Variants in VEGFD observed in about 807,000 individuals in gnomAD.
VEGFD encodes c-fos induced growth factor (vascular endothelial growth factor D).
Under a neutral mutation model 28.0 loss-of-function variants are expected in VEGFD, and 26 were observed. The observed-to-expected ratio is 0.93, with a 90% CI of 0.68 to 1.29. VEGFD has a LOEUF of 1.29. Among genes scored for constraint, VEGFD ranks in the 50% most tolerant of loss-of-function variants. The pLI is 0.00. For missense variants in VEGFD, 294 were observed against 273.4 expected (o/e 1.08, Z -0.53); for synonymous variants, 93 against 95.5 (o/e 0.97, Z 0.15).
rs1460170594 is a variant in VEGFD at position 15,363,139 on chromosome X, C to T, written c.271G>A (p.Ala91Thr). Residue 91 changes from alanine to threonine, a missense_variant, in exon 2 of 7, where the codon GCA becomes ACA. By Grantham distance (58) the Ala-to-Thr change is moderately conservative. Transcript: ENST00000297904. ...SASHRSTRFA[A>T]TFYDIETLKV... ...AGTGTTTCAATGTCATAGAAAGTTGCCGCAAACCTAGTGGACCGATGGGAT... is the reference window on the plus strand; with the variant it reads ...AGTGTTTCAATGTCATAGAAAGTTGTCGCAAACCTAGTGGACCGATGGGAT... The T allele has an allele frequency of 8.3e-7, 1 of 1,211,216 alleles. No homozygotes were observed. The highest frequency in any genetic ancestry group is 3.0e-5 in the East Asian group (1 of 33,829).
chrX:15,360,540 T>C (rs978214325), intron 2 of VEGFD, among the ~76,000 whole-genome samples: 1 of 110,710 alleles, frequency 9.0e-6, no homozygotes, highest in Non-Finnish European at 1.9e-5. Context: ...AGTTTCACCA[T>C]GTTGGCCAGG....
At chrX:15,367,990 G>GA (rs754173109) in intron 1 of VEGFD, among the ~76,000 whole-genome samples, 1 of 63,637 alleles carries the variant, frequency 1.6e-5, no homozygotes, top group African/African-American at 5.9e-5. Flanking sequence ...AAAAGAAAAA[G>GA]AAAGAAAGAA....
chrX:15,349,345 CTG>C (rs1922630450), intron 5 of VEGFD, among the ~76,000 whole-genome samples: 1 of 112,382 alleles, frequency 8.9e-6, no homozygotes, highest in African/African-American at 3.2e-5. Flanking sequence ...TTGGCAGAGT[CTG>C]TGCTCACATC....
rs1922532849 is a variant in VEGFD, at chrX:15,345,908, C to A, written c.*225G>T. On this transcript the variant is annotated 3_prime_UTR_variant, in exon 7 of 7. Transcript: ENST00000297904. ...ACTAAACAAAAGGATTACATGGGTC[C>A]CCTCCTCTCCATTCCTTGGTGCGCA... 2.6e-6 allele frequency: 1 copy of A among 389,292 alleles called. No homozygotes were observed. 32.1% of individuals were successfully genotyped at this position (389,292 alleles called of 1,213,427 possible). A position where few individuals can be genotyped will look rare whatever the true frequency, so the allele number is the denominator to read the frequency against.
At chrX:15,382,164 C>CA (rs1047173385) in intron 1 of VEGFD, among the ~76,000 whole-genome samples, 13 of 110,197 alleles carry the variant, frequency 1.2e-4, no homozygotes, top group African/African-American at 3.6e-4. Context: ...ACTAAAAATA[C>CA]AAAAAATTAG....
At chrX:15,359,525 C>T (rs1263732372) in intron 2 of VEGFD, among the ~76,000 whole-genome samples, 1 of 109,053 alleles carries the variant, frequency 9.2e-6, no homozygotes. Flanking sequence ...GGTATTTGTC[C>T]TAATGCTCTC....
chrX:15,352,601 A>G lies in VEGFD; in HGVS notation c.742+467T>C, dbSNP rs185710155. Among the ~76,000 whole-genome samples the G allele has an allele frequency of 3.6e-5, 4 of 112,184 alleles. No individual in the cohort carries two copies. The East Asian group carries it at 1.1e-3, about 31-fold the overall frequency. On this transcript the variant is annotated intron_variant, in intron 5 of 6. Transcript: ENST00000297904. ...GCAGCTGACAGAAACCAAGTCCAAA[A>G]TTACTTTATGTTCCTGTGAGACTTT... is the stretch of plus-strand genomic sequence containing the variant.
intron 1 of VEGFD, among the ~76,000 whole-genome samples, chrX:15,369,218 G>A (rs769383037): frequency 9.0e-6 from 1 of 111,116 alleles, no homozygotes; most frequent in African/African-American, 3.3e-5. Flanking sequence ...GGAAGTCAAC[G>A]GCCTTCTGTA....
chrX:15,353,045 T>C (rs765737185), intron 5 of VEGFD, 23 bp downstream of exon 5: 2 of 975,354 alleles, frequency 2.1e-6, no homozygotes, highest in East Asian at 6.6e-5. Flanking sequence ...TTACTGTTAT[T>C]ATTTTACTAC....
At chrX:15,382,983 G>A (rs1033112683) in intron 1 of VEGFD, among the ~76,000 whole-genome samples, 3 of 111,240 alleles carry the variant, frequency 2.7e-5, no homozygotes, top group Non-Finnish European at 3.8e-5. Flanking sequence ...ATCCCTCCAC[G>A]AACCAATTTT....
In VEGFD at chrX:15,358,067, C is replaced by A; in HGVS notation, c.428G>T (p.Gly143Val). 1 of 1,211,734 alleles carries A rather than the reference C, an allele frequency of 8.3e-7. No homozygotes were observed. The highest frequency in any genetic ancestry group is 1.1e-6 in the Non-Finnish European group (1 of 895,428). Residue 143 changes from glycine to valine, a missense_variant, in exon 3 of 7, where the codon GGT becomes GTT. By Grantham distance (109) the Gly-to-Val change is moderately radical (BLOSUM62 -3). Transcript: ENST00000297904. ...AAGGCTCTCTTCATTGCAACAGCCACCACATCGGAACACGTTCACACAAGG... is the reference window on the plus strand; with the variant it reads ...AAGGCTCTCTTCATTGCAACAGCCAACACATCGGAACACGTTCACACAAGG... Reference protein sequence around the residue: ...KPPCVNVFRCGGCCNEESLIC... With the variant: ...KPPCVNVFRCVGCCNEESLIC...
chrX:15,354,838 C>A (rs1602223084), intron 4 of VEGFD, among the ~76,000 whole-genome samples: 1 of 111,433 alleles, frequency 9.0e-6, no homozygotes, highest in East Asian at 2.8e-4. Flanking sequence ...TGTTCTGGAA[C>A]ATGTGCTAAA....
chrX:15,367,986 A>AAGAAAG lies in VEGFD; in HGVS notation c.91-4668_91-4667insCTTTCT, dbSNP rs1236594721. 5.9e-3 allele frequency among the ~76,000 whole-genome samples: 392 copies of AAGAAAG among 66,630 alleles called. 5 individuals are homozygous for AAGAAAG. Among genetic ancestry groups the AAGAAAG allele is most frequent in the African/African-American group, 0.026 (359 of 13,892 alleles). The allele number at this position is 66,630 out of a possible 115,157, so 57.9% of individuals were successfully genotyped here. ...AGAAAGAAAGAAAGAAAGAAAAAGA[A>AAGAAAG]AAAGAAAGAAAGAAAGAAAGAAAGA... On this transcript the variant is annotated intron_variant, in intron 1 of 6. Coordinates refer to ENST00000297904, the MANE Select transcript of VEGFD (RefSeq NM_004469.5).
At chrX:15,379,693 T>C (rs778999037) in intron 1 of VEGFD, among the ~76,000 whole-genome samples, 2 of 112,348 alleles carry the variant, frequency 1.8e-5, no homozygotes, top group South Asian at 3.7e-4. Context: ...TCAGAAACAA[T>C]TTTACTGTCA....
chrX:15,350,479 C>A (rs1488305683), intron 5 of VEGFD, among the ~76,000 whole-genome samples: 1 of 112,876 alleles, frequency 8.9e-6, no homozygotes, highest in African/African-American at 3.2e-5. Context: ...AGCCTCTTCA[C>A]CTAGATTTAA....
chrX:15,362,572 A>G (rs1011924263), intron 2 of VEGFD, among the ~76,000 whole-genome samples: 1 of 109,932 alleles, frequency 9.1e-6, no homozygotes, highest in Admixed American at 9.6e-5. Context: ...ACGTACCACA[A>G]TGTTCAGCTA....
At chrX:15,348,542 C>T (rs1922611675) in intron 5 of VEGFD, among the ~76,000 whole-genome samples, 2 of 112,420 alleles carry the variant, frequency 1.8e-5, no homozygotes, top group Admixed American at 9.4e-5. Context: ...CTGTTTCTTG[C>T]TTTCATATAT....
At chrX:15,375,720 T>C (rs983416418) in intron 1 of VEGFD, among the ~76,000 whole-genome samples, 3 of 111,973 alleles carry the variant, frequency 2.7e-5, no homozygotes, top group Non-Finnish European at 5.6e-5. Flanking sequence ...TGTATGTGTG[T>C]GTGCGTGTGC....
At position 15,363,163 on chromosome X, in the gene VEGFD, A is replaced by T. The variant is rs1237755333; in HGVS notation, c.247T>A (p.Ser83Thr). The change falls in exon 2 of 7, where the codon TCC becomes ACC. Residue 83 changes from serine to threonine, a missense_variant. Transcript: ENST00000297904. The part of the protein sequence containing the change: ...SFTSMDSRSA[S>T]HRSTRFAATF... ...GCCGCAAACCTAGTGGACCGATGGG[A>T]TGCTGAGCGAGAGTCCATACTGGTA... 3 of 1,209,454 alleles carry T rather than the reference A, an allele frequency of 2.5e-6. No homozygotes were observed. In the Admixed American group the frequency reaches 6.6e-5, roughly 26 times the overall value.
Sources: allele counts gnomAD v4.1 joint callset (sites outside exome capture counted in the v4.1 genomes callset), GRCh38; gene constraint gnomAD v4.1.1; transcripts MANE v1.5; gene names NCBI Gene and HGNC (gene_info 2026-07-23, HGNC 2026-07-21).